ZNF766: variants seen among roughly 807,000 people sequenced by gnomAD.
ZNF766 encodes zinc finger protein 766.
A neutral mutation model predicts 13.2 loss-of-function variants in ZNF766; 13 were observed. That is an observed-to-expected ratio of 0.98 (90% CI 0.64 to 1.56). The LOEUF is 1.56. ZNF766 is among the 40% of genes most tolerant of loss of function. The probability of loss-of-function intolerance (pLI) is 0.00; values close to 1 mark genes in which losing one functional copy is unlikely to be tolerated. For missense variants in ZNF766, 521 were observed against 552.2 expected (o/e 0.94, Z 0.57); for synonymous variants, 178 against 187.6 (o/e 0.95, Z 0.42).
At chr19:52,276,140 G>A (rs1347961339) in intron 1 of ZNF766, among the ~76,000 whole-genome samples, 4 of 152,170 alleles carry the variant, frequency 2.6e-5, no homozygotes, top group African/African-American at 4.8e-5. Context: ...ATCTTGGTTT[G>A]TGTAAGTTCC....
intron 1 of ZNF766, among the ~76,000 whole-genome samples, chr19:52,279,789 CTTTTTTT>C (rs984101828): frequency 7.7e-5 from 5 of 64,876 alleles, no homozygotes; most frequent in African/African-American, 2.8e-4. Flanking sequence ...TTTACCTTTT[CTTTTTTT>C]TTTTTTTTTT....
At chr19:52,271,056 G>A (rs769080621) in intron 1 of ZNF766, among the ~76,000 whole-genome samples, 40 of 152,168 alleles carry the variant, frequency 2.6e-4, no homozygotes, top group Non-Finnish European at 3.7e-4. Flanking sequence ...ATAGTGCTGG[G>A]ATAACAGGCT....
intron 1 of ZNF766, among the ~76,000 whole-genome samples, chr19:52,279,900 G>A (rs1040356236): frequency 7.8e-5 from 11 of 140,336 alleles, no homozygotes; most frequent in African/African-American, 3.0e-4. Flanking sequence ...GGTTCAAACA[G>A]TTCTCCTACC....
intron 1 of ZNF766, among the ~76,000 whole-genome samples, chr19:52,280,636 G>A (rs1158750932): frequency 6.6e-6 from 1 of 152,032 alleles, no homozygotes; most frequent in South Asian, 2.1e-4. Context: ...AGGCTGGAGT[G>A]CAGTGGCGTG....
chr19:52,293,422 A>AAGT lies in ZNF766; in HGVS notation c.*2224_*2225insAGT, dbSNP rs1982234718. On this transcript the variant is annotated 3_prime_UTR_variant, in exon 4 of 4. Coordinates refer to ENST00000439461, the MANE Select transcript of ZNF766 (RefSeq NM_001010851.3). ...AGTCCTGACCTCGGGTGATCCAGCC[A>AAGT]CCTCGGGTTCCCGAAGTGCTAAGAT... 1 of 151,816 alleles carries AAGT rather than the reference A, an allele frequency of 6.6e-6. No individual in the cohort carries two copies. The highest frequency in any genetic ancestry group is 1.5e-5 in the Non-Finnish European group (1 of 68,000). The allele number at this position is 151,816 out of a possible 1,614,324, so 9.4% of individuals were successfully genotyped here.
intron 3 of ZNF766, among the ~76,000 whole-genome samples, chr19:52,288,562 AT>A (rs1481125866): frequency 6.6e-6 from 1 of 151,074 alleles, no homozygotes; most frequent in East Asian, 2.0e-4. Context: ...TATTTTATTT[AT>A]TTATTTTGTT....
chr19:52,274,039 G>T (rs1025587690), intron 1 of ZNF766, among the ~76,000 whole-genome samples: 1 of 152,198 alleles, frequency 6.6e-6, no homozygotes, highest in Non-Finnish European at 1.5e-5. Context: ...AAGGTATTAC[G>T]TGGAAAGTTC....
intron 2 of ZNF766, chr19:52,282,699 A>G (rs902167781): frequency 6.5e-6 from 1 of 154,570 alleles, no homozygotes; most frequent in African/African-American, 2.4e-5. Context: ...TGGTCTTGAA[A>G]TTCCCCCTTT....
At chr19:52,286,179 G>C (rs1352305700) in intron 3 of ZNF766, among the ~76,000 whole-genome samples, 1 of 123,650 alleles carries the variant, frequency 8.1e-6, no homozygotes, top group African/African-American at 3.5e-5. Context: ...AAGAATCCAA[G>C]TGGGCTTTTC....
chr19:52,288,080 G>T (rs1311143957), intron 3 of ZNF766: 5 of 390,272 alleles, frequency 1.3e-5, no homozygotes, highest in Non-Finnish European at 2.4e-5. Context: ...GAGTACAGTG[G>T]TGTGATCTCG....
chr19:52,277,597 G>A (rs1207388042), intron 1 of ZNF766: 3 of 1,520,366 alleles, frequency 2.0e-6, no homozygotes, highest in Non-Finnish European at 2.7e-6. Context: ...TGAAATGCCG[G>A]GTGCTGGAGT....
At chr19:52,279,072 C>T (rs1981353811) in intron 1 of ZNF766, among the ~76,000 whole-genome samples, 1 of 152,138 alleles carries the variant, frequency 6.6e-6, no homozygotes, top group Non-Finnish European at 1.5e-5. Context: ...GGAAGGGGTC[C>T]AGCTTCAATC....
At chr19:52,277,282 AC>A in intron 1 of ZNF766, 2 of 1,010,142 alleles carry the variant, frequency 2.0e-6, no homozygotes, top group South Asian at 3.6e-5. Context: ...ACACGGTGAA[AC>A]CCCGTCTCTA....
chr19:52,291,020 C>T lies in ZNF766; in HGVS notation c.1229C>T (p.Pro410Leu). 1 of 1,614,112 alleles carries T rather than the reference C, an allele frequency of 6.2e-7. No homozygotes were observed. The change falls in exon 4 of 4, where the codon CCT becomes CTT. Residue 410 changes from proline to leucine, a missense_variant. Physicochemically the swap from Pro to Leu is moderately conservative, Grantham distance 98. Transcript: ENST00000439461. ...CAGAAAATTCACACTGGAGAGAAAC[C>T]TTACAAATGTAATGAGTGTGGCAAA... is the stretch of plus-strand genomic sequence containing the variant. ...RHQKIHTGEK[P>L]YKCNECGKVF... is the part of the protein sequence containing the mutation.
intron 3 of ZNF766, among the ~76,000 whole-genome samples, chr19:52,286,560 G>A (rs980691290): frequency 1.2e-4 from 18 of 150,934 alleles, no homozygotes; most frequent in African/African-American, 4.0e-4. Flanking sequence ...ACAGGCATGA[G>A]CCACCGTGCC....
chr19:52,276,210 T>C (rs1040897589), intron 1 of ZNF766, among the ~76,000 whole-genome samples: 1 of 152,214 alleles, frequency 6.6e-6, no homozygotes, highest in Non-Finnish European at 1.5e-5. Context: ...TATTAAGCGA[T>C]GCGTGACTGC....
rs369612489 is a variant in ZNF766 at position 52,283,377 on chromosome 19, C to G, written c.238C>G (p.Pro80Ala). The change falls in exon 3 of 4, where the codon CCA (proline) becomes GCA (alanine). Residue 80 changes from proline to alanine, a missense_variant. Coordinates refer to ENST00000439461, the MANE Select transcript of ZNF766 (RefSeq NM_001010851.3). ...GAATGAAATGAAAGTAGCAAAAAAT[C>G]CAGATAGGTGGGAAGGTATCAAAGA... ...VENEMKVAKN[P>A]DRWEGIKDIN... 23 of 1,610,236 alleles carry G rather than the reference C, an allele frequency of 1.4e-5. No individual in the cohort carries two copies. Among genetic ancestry groups the G allele is most frequent in the Non-Finnish European group, 2.0e-5 (23 of 1,177,982 alleles).
chr19:52,275,308 G>T (rs1387830482), intron 1 of ZNF766, among the ~76,000 whole-genome samples: 4 of 152,132 alleles, frequency 2.6e-5, no homozygotes, highest in Non-Finnish European at 5.9e-5. Context: ...AAAAAGTTTA[G>T]AGAATTAAGG....
rs1319291892 is a variant in ZNF766 at position 52,292,130 on chromosome 19, T to C, written c.*932T>C. 1.4e-6 allele frequency: 1 copy of C among 702,258 alleles called. No individual in the cohort carries two copies. The highest frequency in any genetic ancestry group is 2.7e-5 in the East Asian group (1 of 37,264). The allele number at this position is 702,258 out of a possible 1,614,324, so 43.5% of individuals were successfully genotyped here. On this transcript the variant is annotated 3_prime_UTR_variant, in exon 4 of 4. Transcript: ENST00000439461. ...CTTCAACCTGAACTTTGAAATTTCT[T>C]CATGTGCCTTCCCTACAGGCCTTTC...
Sources: allele counts gnomAD v4.1 joint callset (sites outside exome capture counted in the v4.1 genomes callset), GRCh38; gene constraint gnomAD v4.1.1; transcripts MANE v1.5; gene names NCBI Gene and HGNC (gene_info 2026-07-23, HGNC 2026-07-21).